The following NAALADL2 variants were observed in gnomAD, a reference collection of about 807,000 sequenced individuals.
The protein encoded by NAALADL2 is inactive N-acetylated-alpha-linked acidic dipeptidase-like protein 2.
In NAALADL2, 76 loss-of-function variants were observed where a neutral mutation model predicts 87.2. That is an observed-to-expected ratio of 0.87 (90% CI 0.72 to 1.05). The LOEUF is 1.05. NAALADL2 is among the 50% of genes least tolerant of loss of function. The pLI, the probability that NAALADL2 is intolerant of heterozygous loss-of-function variation, is 0.00. For missense variants in NAALADL2, 1,089 were observed against 945.8 expected (o/e 1.15, Z -1.99); for synonymous variants, 354 against 331.0 (o/e 1.07, Z -0.75).
intron 2 of NAALADL2, among the ~76,000 whole-genome samples, chr3:174,720,442 A>G (rs1731603003): frequency 6.6e-6 from 1 of 152,186 alleles, no homozygotes; most frequent in African/African-American, 2.4e-5. Context: ...ATAGCTATAT[A>G]GAGAGATATA....
intron 2 of NAALADL2, among the ~76,000 whole-genome samples, chr3:174,646,585 G>T (rs565417049): frequency 2.4e-4 from 34 of 143,392 alleles, no homozygotes; most frequent in African/African-American, 8.4e-4. Context: ...TTAAAATTAA[G>T]AATTCTTTTA....
chr3:175,337,926 G>A (rs566433812), intron 5 of NAALADL2, among the ~76,000 whole-genome samples: 14 of 152,276 alleles, frequency 9.2e-5, no homozygotes, highest in Non-Finnish European at 1.3e-4. Context: ...GGACAAGTTA[G>A]TATAACGAGT....
At chr3:174,990,638 A>T (rs1746605850) in intron 1 of NAALADL2, among the ~76,000 whole-genome samples, 1 of 152,196 alleles carries the variant, frequency 6.6e-6, no homozygotes, top group Admixed American at 6.6e-5. Flanking sequence ...TGGGTCGTAC[A>T]TAGGAAAAAT....
At chr3:174,840,717 A>G (rs754378675) in intron 3 of NAALADL2, among the ~76,000 whole-genome samples, 1 of 152,088 alleles carries the variant, frequency 6.6e-6, no homozygotes, top group Non-Finnish European at 1.5e-5. Context: ...CAGAGAAGCT[A>G]TGTTTATGTC....
chr3:175,240,566 C>T (rs562895601), intron 3 of NAALADL2, among the ~76,000 whole-genome samples: 1 of 152,194 alleles, frequency 6.6e-6, no homozygotes, highest in Non-Finnish European at 1.5e-5. Flanking sequence ...TGGAATGGAA[C>T]TGTAGTACTT....
intron 6 of NAALADL2, among the ~76,000 whole-genome samples, chr3:175,450,155 A>G (rs948130422): frequency 2.0e-5 from 3 of 152,110 alleles, no homozygotes; most frequent in Non-Finnish European, 2.9e-5. Context: ...GTTTTGGACA[A>G]TAATGCTCAT....
intron 2 of NAALADL2, among the ~76,000 whole-genome samples, chr3:174,671,929 GTGATGATGATGATGA>G (rs57931413): frequency 2.0e-5 from 3 of 150,356 alleles, no homozygotes; most frequent in Non-Finnish European, 3.0e-5. Flanking sequence ...GTTAACTACT[GTGATGATGATGATGA>G]TGATGATGAT....
At chr3:174,875,937 T>G (rs1167715961) in intron 1 of NAALADL2, among the ~76,000 whole-genome samples, 1 of 151,850 alleles carries the variant, frequency 6.6e-6, no homozygotes, top group Non-Finnish European at 1.5e-5. Flanking sequence ...TTTTTAAAAA[T>G]TTCCTATTAT....
intron 13 of NAALADL2, among the ~76,000 whole-genome samples, chr3:175,777,342 G>A (rs1750381113): frequency 6.6e-6 from 1 of 151,894 alleles, no homozygotes; most frequent in African/African-American, 2.4e-5. Flanking sequence ...TAACCTCTCT[G>A]TGCCCCGTTT....
At chr3:175,331,941 A>G (rs1028717238) in intron 5 of NAALADL2, among the ~76,000 whole-genome samples, 4 of 152,204 alleles carry the variant, frequency 2.6e-5, no homozygotes, top group African/African-American at 9.6e-5. Flanking sequence ...TAAACCAATA[A>G]CAAATGAGCT....
chr3:175,649,625 C>T (rs1730480333), intron 11 of NAALADL2, among the ~76,000 whole-genome samples: 1 of 152,126 alleles, frequency 6.6e-6, no homozygotes, highest in African/African-American at 2.4e-5. Context: ...GGCCTTTCCT[C>T]AGTGCACATG....
At chr3:175,672,106 C>A (rs930818683) in intron 11 of NAALADL2, among the ~76,000 whole-genome samples, 1 of 152,042 alleles carries the variant, frequency 6.6e-6, no homozygotes, top group Non-Finnish European at 1.5e-5. Context: ...ATTACTTAAG[C>A]CTGGTGGAGC....
intron 2 of NAALADL2, among the ~76,000 whole-genome samples, chr3:175,143,707 C>T (rs1053943544): frequency 7.2e-5 from 11 of 151,754 alleles, no homozygotes; most frequent in African/African-American, 2.7e-4. Flanking sequence ...GTAAACAAAA[C>T]ATTGTCTGGC....
chr3:174,979,548 G>A (rs4243405), intron 1 of NAALADL2, among the ~76,000 whole-genome samples: 68,165 of 151,476 alleles, frequency 0.45, 17,403 homozygotes, highest in Non-Finnish European at 0.59. Context: ...CTCGTGATCC[G>A]CCCGCCTCGG....
At chr3:174,451,844 T>G (rs1313121656) in intron 1 of NAALADL2, among the ~76,000 whole-genome samples, 5 of 32,530 alleles carry the variant, frequency 1.5e-4, no homozygotes, top group African/African-American at 2.8e-4. Context: ...ATAGTGGGAG[T>G]TTTTTTTTTT....
At chr3:174,838,430 G>A (rs576103629) in intron 3 of NAALADL2, among the ~76,000 whole-genome samples, 9 of 152,156 alleles carry the variant, frequency 5.9e-5, no homozygotes, top group South Asian at 4.2e-4. Flanking sequence ...GTGAGAAATC[G>A]AACAAGGCAA....
intron 1 of NAALADL2, among the ~76,000 whole-genome samples, chr3:175,020,525 C>G (rs963650434): frequency 2.0e-5 from 3 of 152,058 alleles, no homozygotes; most frequent in African/African-American, 7.2e-5. Context: ...CCATTCTCCC[C>G]TTCATCAGGC....
At chr3:174,942,413 A>G (rs942600572) in intron 1 of NAALADL2, among the ~76,000 whole-genome samples, 2 of 152,164 alleles carry the variant, frequency 1.3e-5, no homozygotes, top group African/African-American at 4.8e-5. Flanking sequence ...TATTAGCCTT[A>G]TAGGCTTCCC....
chr3:174,487,353 A>G (rs1717918150), intron 1 of NAALADL2, among the ~76,000 whole-genome samples: 1 of 152,018 alleles, frequency 6.6e-6, no homozygotes, highest in East Asian at 1.9e-4. Flanking sequence ...ATTTAGTTCA[A>G]TAATTATTAT....
Sources: gnomAD v4.1 joint callset for allele counts (sites outside exome capture counted in the v4.1 genomes callset) on GRCh38, gnomAD v4.1.1 for gene constraint, MANE v1.5 for transcripts, NCBI Gene and HGNC (gene_info 2026-07-23, HGNC 2026-07-21) for gene names.